CAPN12: variants seen among roughly 807,000 people sequenced by gnomAD.
The protein encoded by CAPN12 is calpain 12.
A neutral mutation model predicts 95.0 loss-of-function variants in CAPN12; 107 were observed. The ratio of observed to expected loss-of-function variants is 1.13; its 90% CI spans 0.96 to 1.32. CAPN12 has a LOEUF of 1.32. Ranked by LOEUF, CAPN12 falls within the 40% of genes most tolerant of loss-of-function variation. CAPN12 has a pLI of 0.00. For missense variants in CAPN12, 1,136 were observed against 997.8 expected (o/e 1.14, Z -1.87); for synonymous variants, 505 against 415.5 (o/e 1.22, Z -2.62).
In CAPN12 at chr19:38,741,823, G is replaced by A. The variant is rs201752001; in HGVS notation, c.514C>T (p.Gln172Ter). The change falls in exon 4 of 21, where the codon CAG becomes TAG. Residue 172 changes from glutamine to a stop codon, truncating the protein, a stop_gained. Coordinates refer to ENST00000328867, the MANE Select transcript of CAPN12 (RefSeq NM_144691.4). LOFTEE classifies it high-confidence loss of function. The part of the protein sequence containing the change: ...EGKLMFVRSE[Q>*]RNEFWAPLLE... ...AGTGGGGCCCAGAACTCATTCCGCTGTTCCGAGCGCACGAACATCAGCTTC... is the reference window on the plus strand; with the variant it reads ...AGTGGGGCCCAGAACTCATTCCGCTATTCCGAGCGCACGAACATCAGCTTC... 112 of 1,614,124 alleles carry A rather than the reference G, an allele frequency of 6.9e-5. No individual in the cohort carries two copies. Among genetic ancestry groups the A allele is most frequent in the Non-Finnish European group, 9.5e-5 (112 of 1,180,046 alleles).
intron 10 of CAPN12, chr19:38,736,861 C>T: frequency 1.7e-6 from 1 of 586,102 alleles, no homozygotes. Flanking sequence ...GAGCCCCTCC[C>T]TCTCATTCCC....
At position 38,742,505 on chromosome 19, in the gene CAPN12, C is replaced by T. The variant is rs370271870; in HGVS notation, c.331G>A (p.Ala111Thr). The stretch of plus-strand genomic sequence containing the variant: ...CGGGGATACAGAGTAAGGGAGGCGG[C>T]AGCTGCAAGGAACCAGCAGTTACCT... ...SLGNCWFLAA[A>T]ASLTLYPRLL... Residue 111 changes from alanine (A) to threonine (T), a missense_variant, in exon 3 of 21, where the codon GCC becomes ACC. Coordinates refer to ENST00000328867, the MANE Select transcript of CAPN12 (RefSeq NM_144691.4). 54 of 1,612,278 alleles carry T rather than the reference C, an allele frequency of 3.3e-5. No individual in the cohort carries two copies. Among genetic ancestry groups the T allele is most frequent in the Middle Eastern group, 1.6e-4 (1 of 6,074 alleles).
At chr19:38,739,949 A>G in intron 5 of CAPN12, 102 bp downstream of exon 5, 1 of 1,234,502 alleles carries the variant, frequency 8.1e-7, no homozygotes, top group South Asian at 1.8e-5. Flanking sequence ...CTAAGCCAGT[A>G]ACGGAAGCAG....
intron 1 of CAPN12, 57 bp downstream of exon 1, chr19:38,743,872 A>G: frequency 6.5e-7 from 1 of 1,542,728 alleles, no homozygotes; most frequent in Non-Finnish European, 8.9e-7. Context: ...CCAGGAGTCC[A>G]TGCCTCCAGC....
At position 38,730,476 on chromosome 19, in the gene CAPN12, G is replaced by T; in HGVS notation, c.*376C>A. On this transcript the variant is annotated 3_prime_UTR_variant, in exon 21 of 21. Coordinates refer to ENST00000328867, the MANE Select transcript of CAPN12 (RefSeq NM_144691.4). ...TGATTGATTTTTTTTCTTGGTTTCT[G>T]GATAAACCACCCTCTGGGGACAGGA... The T allele has an allele frequency of 4.2e-6, 1 of 237,210 alleles. No homozygotes were observed. Among genetic ancestry groups the T allele is most frequent in the Non-Finnish European group, 8.3e-6 (1 of 120,020 alleles). 14.7% of individuals were successfully genotyped at this position (237,210 alleles called of 1,614,324 possible).
Position 38,730,973 on chromosome 19 carries a change from G to A in CAPN12, c.2125C>T (p.His709Tyr), listed in dbSNP as rs776493815. Residue 709 changes from histidine to tyrosine, a missense_variant, in exon 20 of 21, where the codon CAC (histidine) becomes TAC (tyrosine). His to Tyr is a moderately conservative substitution (Grantham distance 83, BLOSUM62 2). Coordinates refer to ENST00000328867, the MANE Select transcript of CAPN12 (RefSeq NM_144691.4). ...DGGEGVICLT[H>Y]RQWMEVATFS ...CCTCCCACCTGGCTCACCTGTCTGT[G>A]GGTCAGGCAGATGACCCCCTCACCC... The A allele has an allele frequency of 2.3e-5, 36 of 1,550,758 alleles. No homozygotes were observed. In the South Asian group the frequency reaches 3.4e-4, roughly 15 times the overall value.
rs1252908768 is a variant in CAPN12 at position 38,736,142 on chromosome 19, C to G, written c.1551G>C (p.Leu517=). 6.6e-7 allele frequency: 1 copy of G among 1,513,986 alleles called. No homozygotes were observed. Among genetic ancestry groups the G allele is most frequent in the South Asian group, 1.2e-5 (1 of 80,990 alleles). The allele number at this position is 1,513,986 out of a possible 1,614,324, so 93.8% of individuals were successfully genotyped here. ...TGTGGCGGCGCTCGGAGAAGACACG[C>G]AGAGTGAAGTCAGCCTCGTCGCCGG... The part of the protein sequence containing the change: ...AHAGDEADFT[L]RVFSERRHTA... Residue 517 remains leucine (L), a synonymous_variant, in exon 12 of 21, where the codon CTG becomes CTC. Coordinates refer to ENST00000328867, the MANE Select transcript of CAPN12 (RefSeq NM_144691.4).
Position 38,733,942 on chromosome 19 carries a change from T to C in CAPN12, c.1879-161A>G, listed in dbSNP as rs1326909551. The C allele has an allele frequency of 2.5e-5, 20 of 795,372 alleles. No homozygotes were observed. The East Asian group carries it at 4.5e-4, about 18-fold the overall frequency. 49.3% of individuals were successfully genotyped at this position (795,372 alleles called of 1,614,324 possible). A position where few individuals can be genotyped will look rare whatever the true frequency, so the allele number is the denominator to read the frequency against. On this transcript the variant is annotated intron_variant, in intron 17 of 20. Transcript: ENST00000328867. ...CACTTGGGACTTCTGTTTCCCAATCTGTAAAATGGGAATAAGAGCAATGAC... is the reference window on the plus strand; with the variant it reads ...CACTTGGGACTTCTGTTTCCCAATCCGTAAAATGGGAATAAGAGCAATGAC...
intron 2 of CAPN12, among the ~76,000 whole-genome samples, 163 bp downstream of exon 2, chr19:38,742,870 A>AAAAAAAAAAAAAGG (rs1970636378): frequency 6.7e-6 from 1 of 148,778 alleles, no homozygotes; most frequent in African/African-American, 2.5e-5. Flanking sequence ...AAAAAAAAAA[A>AAAAAAAAAAAAAGG]AAGGAAGGAA....
chr19:38,741,694 C>T, intron 4 of CAPN12, 83 bp downstream of exon 4: 1 of 1,540,130 alleles, frequency 6.5e-7, no homozygotes, highest in Admixed American at 1.8e-5. Flanking sequence ...GATTGCAGAG[C>T]TTGGGGGACT....
Position 38,737,581 on chromosome 19 carries a change from G to T in CAPN12, c.1023C>A (p.Ser341Arg). The T allele has an allele frequency of 6.2e-7, 1 of 1,612,236 alleles. No homozygotes were observed. Among genetic ancestry groups the T allele is most frequent in the Non-Finnish European group, 8.5e-7 (1 of 1,179,746 alleles). The change falls in exon 9 of 21, where the codon AGC becomes AGA. Residue 341 changes from serine to arginine, a missense_variant. By Grantham distance (110) the Ser-to-Arg change is moderately radical. Transcript: ENST00000328867. ...CCGGGCTGGGGCCCAGCACCTCCGGGCTCAGCGAGCAGATCTGCACGGTGT... is the reference window on the plus strand; with the variant it reads ...CCGGGCTGGGGCCCAGCACCTCCGGTCTCAGCGAGCAGATCTGCACGGTGT... ...HFDTVQICSL[S>R]PEVLGPSPEG...
chr19:38,731,212 T>G lies in CAPN12; in HGVS notation c.1969A>C (p.Asn657His), dbSNP rs1481269706. 6.2e-7 allele frequency: 1 copy of G among 1,612,644 alleles called. No homozygotes were observed. The highest frequency in any genetic ancestry group is 8.5e-7 in the Non-Finnish European group (1 of 1,179,970). The change falls in exon 19 of 21, where the codon AAC (asparagine) becomes CAC (histidine). Residue 657 changes from asparagine to histidine, a missense_variant. Coordinates refer to ENST00000328867, the MANE Select transcript of CAPN12 (RefSeq NM_144691.4). Reference sequence around the variant, plus strand: ...GTGAGGGTCTGGGTCAGCTGGTTGTTCAGGTGGAAGCCTAGGGGGAGGCTG... The same window carrying G: ...GTGAGGGTCTGGGTCAGCTGGTTGTGCAGGTGGAAGCCTAGGGGGAGGCTG... The part of the protein sequence containing the change: ...LALNAAGFHL[N>H]NQLTQTLTSR...
At position 38,737,300 on chromosome 19, in the gene CAPN12, G is replaced by A. The variant is rs1487481291; in HGVS notation, c.1218C>T (p.Gly406=). 3 of 404,326 alleles carry A rather than the reference G, an allele frequency of 7.4e-6. No individual in the cohort carries two copies. Among genetic ancestry groups the A allele is most frequent in the Admixed American group, 4.6e-5 (1 of 21,782 alleles). The allele number at this position is 404,326 out of a possible 1,614,324, so 25.0% of individuals were successfully genotyped here. A position where few individuals can be genotyped will look rare whatever the true frequency, so the allele number is the denominator to read the frequency against. Residue 406 remains glycine (G), a synonymous_variant, in exon 10 of 21, where the codon GGC becomes GGT. Transcript: ENST00000328867. The part of the protein sequence containing the change: ...DDEDEEGPWG[G]WGAAGARGPA... ...GGCCCCGTGCCCCTGCAGCCCCCCAGCCCCCCCAGGGCCCTTCCTCATCCT... is the reference window on the plus strand; with the variant it reads ...GGCCCCGTGCCCCTGCAGCCCCCCAACCCCCCCAGGGCCCTTCCTCATCCT...
At chr19:38,734,041 A>AC (rs1287792990) in intron 17 of CAPN12, 101 bp downstream of exon 17, 1 of 1,300,358 alleles carries the variant, frequency 7.7e-7, no homozygotes, top group Non-Finnish European at 1.1e-6. Flanking sequence ...CTAGTCCAGT[A>AC]CCCCCTCGTT....
Position 38,736,571 on chromosome 19 carries a change from A to T in CAPN12, c.1363-8T>A, listed in dbSNP as rs759874440. 1.9e-6 allele frequency: 3 copies of T among 1,562,582 alleles called. No homozygotes were observed. The highest frequency in any genetic ancestry group is 2.6e-6 in the Non-Finnish European group (3 of 1,153,356). The stretch of plus-strand genomic sequence containing the variant: ...ACTCACCTCCTCTGGAATCTGAAAG[A>T]AGCAAGAGCAAGGGGCGTCGGGGCA... On this transcript the variant is annotated splice_region_variant and splice_polypyrimidine_tract_variant and intron_variant, in intron 10 of 20. Transcript: ENST00000328867.
chr19:38,740,030 A>G (rs1361363260), intron 5 of CAPN12, 21 bp downstream of exon 5: 2 of 1,535,508 alleles, frequency 1.3e-6, no homozygotes, highest in Non-Finnish European at 1.8e-6. Flanking sequence ...GGGGTTCCGC[A>G]TGCGAGTCCA....
Position 38,737,536 on chromosome 19 carries a change from G to T in CAPN12, c.1068C>A (p.Val356=). 6.2e-7 allele frequency: 1 copy of T among 1,612,564 alleles called. No homozygotes were observed. The highest frequency in any genetic ancestry group is 1.1e-5 in the South Asian group (1 of 91,066). The stretch of plus-strand genomic sequence containing the variant: ...GCACCCAGCGGCCTTGGAAGGTGTG[G>T]ACGTGCCAGCCGCCCCCCTCCGGGC... The part of the protein sequence containing the change: ...GPSPEGGGWH[V]HTFQGRWVRG... Residue 356 remains valine (V), a synonymous_variant, in exon 9 of 21, where the codon GTC becomes GTA. Coordinates refer to ENST00000328867, the MANE Select transcript of CAPN12 (RefSeq NM_144691.4).
Position 38,731,227 on chromosome 19 carries a change from G to A in CAPN12, c.1958-4C>T, listed in dbSNP as rs756097316. The A allele has an allele frequency of 4.3e-6, 7 of 1,611,242 alleles. No homozygotes were observed. Among genetic ancestry groups the A allele is most frequent in the Non-Finnish European group, 5.9e-6 (7 of 1,179,168 alleles). On this transcript the variant is annotated splice_region_variant and splice_polypyrimidine_tract_variant and intron_variant, in intron 18 of 20. Transcript: ENST00000328867. The stretch of plus-strand genomic sequence containing the variant: ...AGCTGGTTGTTCAGGTGGAAGCCTA[G>A]GGGGAGGCTGCTTCTGAGCCCAGTG...
Position 38,741,803 on chromosome 19 carries a change from G to A in CAPN12, c.534C>T (p.Ala178=). ...VRSEQRNEFW[A]PLLEKAYAKL... is the part of the protein sequence containing the mutation. Reference sequence around the variant, plus strand: ...TGGCGTAGGCCTTCTCCAGGAGTGGGGCCCAGAACTCATTCCGCTGTTCCG... The same window carrying A: ...TGGCGTAGGCCTTCTCCAGGAGTGGAGCCCAGAACTCATTCCGCTGTTCCG... Residue 178 remains alanine (A), a synonymous_variant, in exon 4 of 21, where the codon GCC becomes GCT. Coordinates refer to ENST00000328867, the MANE Select transcript of CAPN12 (RefSeq NM_144691.4). The A allele has an allele frequency of 6.2e-7, 1 of 1,613,996 alleles. No individual in the cohort carries two copies. Among genetic ancestry groups the A allele is most frequent in the Non-Finnish European group, 8.5e-7 (1 of 1,180,038 alleles).
Sources: allele counts gnomAD v4.1 joint callset (sites outside exome capture counted in the v4.1 genomes callset), GRCh38; gene constraint gnomAD v4.1.1; transcripts MANE v1.5; gene names NCBI Gene and HGNC (gene_info 2026-07-23, HGNC 2026-07-21).